The following CNTN4 variants were observed in gnomAD, a reference collection of about 807,000 sequenced individuals.
CNTN4 encodes the protein contactin-4.
In CNTN4, 77 loss-of-function variants were observed where a neutral mutation model predicts 122.5. That is an observed-to-expected ratio of 0.63 (90% CI 0.52 to 0.76). The LOEUF (loss-of-function observed/expected upper bound fraction) is 0.76. Ranked by LOEUF, CNTN4 falls within the 30% of genes least tolerant of loss-of-function variation. The pLI is 0.00. For missense variants in CNTN4, 1,256 were observed against 1,259.1 expected, an observed-to-expected ratio of 1.00 and a Z score of 0.04; for synonymous variants, 512 against 447.0, an observed-to-expected ratio of 1.15 and a Z score of -1.83.
intron 2 of CNTN4, among the ~76,000 whole-genome samples, chr3:2,248,536 A>T (rs1336922517): frequency 6.6e-6 from 1 of 152,020 alleles, no homozygotes; most frequent in Admixed American, 6.6e-5. Flanking sequence ...AAGAAAACAG[A>T]ACATAAACCC....
chr3:2,948,228 C>T (rs1459106329), intron 13 of CNTN4, among the ~76,000 whole-genome samples: 1 of 152,124 alleles, frequency 6.6e-6, no homozygotes, highest in African/African-American at 2.4e-5. Flanking sequence ...ATTTTGTTGG[C>T]GGTAGCGTTC....
At chr3:2,926,554 GTTTGTCA>G (rs1054707065) in intron 13 of CNTN4, among the ~76,000 whole-genome samples, 3 of 152,114 alleles carry the variant, frequency 2.0e-5, no homozygotes, top group African/African-American at 7.2e-5. Context: ...GCGTGAATCT[GTTTGTCA>G]CCTATAAGAC....
chr3:2,483,718 C>T (rs1356773550), intron 3 of CNTN4, among the ~76,000 whole-genome samples: 1 of 152,186 alleles, frequency 6.6e-6, no homozygotes, highest in African/African-American at 2.4e-5. Context: ...TGCATTTTCT[C>T]TCCTGCCACC....
chr3:2,792,703 A>G (rs2092049099), intron 6 of CNTN4, among the ~76,000 whole-genome samples: 1 of 152,208 alleles, frequency 6.6e-6, no homozygotes, highest in African/African-American at 2.4e-5. Flanking sequence ...ACTCACTTCT[A>G]ATATTGAAGG....
intron 3 of CNTN4, among the ~76,000 whole-genome samples, chr3:2,430,282 C>T (rs1220609775): frequency 9.9e-5 from 15 of 151,764 alleles, no homozygotes; most frequent in African/African-American, 2.7e-4. Flanking sequence ...ATTAGCCGGG[C>T]GTGGTGGCGG....
At chr3:2,934,107 A>G (rs935998556) in intron 13 of CNTN4, among the ~76,000 whole-genome samples, 7 of 152,122 alleles carry the variant, frequency 4.6e-5, no homozygotes, top group African/African-American at 1.4e-4. Flanking sequence ...TGACTGCTGG[A>G]TTTAGGAACC....
intron 2 of CNTN4, among the ~76,000 whole-genome samples, chr3:2,204,792 T>A (rs2038265116): frequency 6.6e-6 from 1 of 152,134 alleles, no homozygotes; most frequent in Admixed American, 6.6e-5. Flanking sequence ...TATCAGCATG[T>A]CAGCTCCTGA....
rs1041127368 is a variant in CNTN4, at chr3:2,675,592, T to C, written c.56-60623T>C. On this transcript the variant is annotated intron_variant, in intron 4 of 24. Transcript: ENST00000418658. Reference sequence around the variant, plus strand: ...AGCTCCACGAAGACCAGGAAAAGACTGATGGGCCACTGTGTGTCCAGCTCT... The same window carrying C: ...AGCTCCACGAAGACCAGGAAAAGACCGATGGGCCACTGTGTGTCCAGCTCT... Among the ~76,000 whole-genome samples the C allele has an allele frequency of 4.6e-5, 7 of 152,326 alleles. 1 individual carries two copies. The highest frequency in any genetic ancestry group is 3.9e-4 in the East Asian group (2 of 5,182).
chr3:2,745,657 T>C lies in CNTN4; in HGVS notation c.318T>C (p.Phe106=). Residue 106 remains phenylalanine (F), a synonymous_variant, in exon 6 of 25, where the codon TTT becomes TTC. Coordinates refer to ENST00000418658, the MANE Select transcript of CNTN4 (RefSeq NM_175607.3). ...GTYQCTATNS[F]GTIVSREAKL... is the part of the protein sequence containing the mutation. Reference sequence around the variant, plus strand: ...ACCAGTGCACAGCGACAAACTCGTTTGGAACAATTGTTAGCAGAGAAGCAA... The same window carrying C: ...ACCAGTGCACAGCGACAAACTCGTTCGGAACAATTGTTAGCAGAGAAGCAA... The C allele has an allele frequency of 1.2e-6, 2 of 1,614,156 alleles. No homozygotes were observed. The highest frequency in any genetic ancestry group is 1.7e-6 in the Non-Finnish European group (2 of 1,179,982).
At chr3:2,267,889 CA>C (rs2041116803) in intron 2 of CNTN4, among the ~76,000 whole-genome samples, 1 of 151,616 alleles carries the variant, frequency 6.6e-6, no homozygotes, top group African/African-American at 2.4e-5. Flanking sequence ...TAAATATTTT[CA>C]TATTGTAATA....
chr3:2,753,004 C>A (rs2090166097), intron 6 of CNTN4, among the ~76,000 whole-genome samples: 1 of 152,104 alleles, frequency 6.6e-6, no homozygotes, highest in Admixed American at 6.5e-5. Flanking sequence ...ACTTCATTTT[C>A]TTGATCCATT....
chr3:2,601,649 C>G (rs2600302), intron 4 of CNTN4, among the ~76,000 whole-genome samples: 1 of 151,950 alleles, frequency 6.6e-6, no homozygotes, highest in Non-Finnish European at 1.5e-5. Context: ...TGATGCCTCC[C>G]GCTTTGTTCT....
chr3:2,804,356 A>T lies in CNTN4; in HGVS notation c.359-15130A>T, dbSNP rs80227973. Among the ~76,000 whole-genome samples, 1,111 of 152,314 alleles carry T rather than the reference A, an allele frequency of 7.3e-3. 22 individuals carry two copies. The highest frequency in any genetic ancestry group is 0.026 in the African/African-American group (1,069 of 41,556). ...AAACCATCAGGTTATCTGGAGCAAG[A>T]CAGCCTGGGTTAGTATTCTGGCATT... is the stretch of plus-strand genomic sequence containing the variant. On this transcript the variant is annotated intron_variant, in intron 6 of 24. Coordinates refer to ENST00000418658, the MANE Select transcript of CNTN4 (RefSeq NM_175607.3).
chr3:2,552,903 AGT>A (rs1346629520), intron 3 of CNTN4, among the ~76,000 whole-genome samples: 6 of 152,146 alleles, frequency 3.9e-5, no homozygotes, highest in Non-Finnish European at 7.3e-5. Context: ...GGCATGGCGA[AGT>A]GTGTTGAGTA....
intron 6 of CNTN4, among the ~76,000 whole-genome samples, chr3:2,804,359 G>C (rs2092416470): frequency 1.3e-5 from 2 of 152,158 alleles, no homozygotes; most frequent in African/African-American, 4.8e-5. Context: ...GAGCAAGACA[G>C]CCTGGGTTAG....
At chr3:2,237,431 C>T (rs933423853) in intron 2 of CNTN4, among the ~76,000 whole-genome samples, 2 of 152,066 alleles carry the variant, frequency 1.3e-5, no homozygotes, top group African/African-American at 4.8e-5. Context: ...CTATAACCCA[C>T]CACTGCACTC....
rs77781278 is a variant in CNTN4, at chr3:2,358,397, T to C, written c.-89+19164T>C. Among the ~76,000 whole-genome samples the C allele has an allele frequency of 4.4e-3, 675 of 152,166 alleles. 9 individuals carry two copies. The highest frequency in any genetic ancestry group is 0.02 in the Admixed American group (300 of 15,256). On this transcript the variant is annotated intron_variant, in intron 3 of 24. Transcript: ENST00000418658. Reference sequence around the variant, plus strand: ...AGGAAGCACTCAGCAAATATTCTTTTCTTATTTCCTGAAGCATTTAATATA... The same window carrying C: ...AGGAAGCACTCAGCAAATATTCTTTCCTTATTTCCTGAAGCATTTAATATA...
At chr3:2,998,669 T>C (rs1695757047) in intron 14 of CNTN4, among the ~76,000 whole-genome samples, 1 of 151,444 alleles carries the variant, frequency 6.6e-6, no homozygotes, top group Non-Finnish European at 1.5e-5. Context: ...GTCAAGGTAA[T>C]CCCAGGAAAA....
At chr3:2,632,512 C>G (rs1366679556) in intron 4 of CNTN4, among the ~76,000 whole-genome samples, 3 of 152,160 alleles carry the variant, frequency 2.0e-5, no homozygotes, top group Non-Finnish European at 4.4e-5. Context: ...GAGATCAAGA[C>G]TTACTCAAAG....
Sources: allele counts gnomAD v4.1 joint callset (sites outside exome capture counted in the v4.1 genomes callset), GRCh38; gene constraint gnomAD v4.1.1; transcripts MANE v1.5; gene names NCBI Gene and HGNC (gene_info 2026-07-23, HGNC 2026-07-21).